The following ELOVL5 variants were observed in gnomAD, a reference collection of about 807,000 sequenced individuals.
The protein encoded by ELOVL5 is very long chain fatty acid elongase 5.
Under a neutral mutation model 38.6 loss-of-function variants are expected in ELOVL5, and 8 were observed. That is an observed-to-expected ratio of 0.21 (90% CI 0.12 to 0.37). ELOVL5 has a LOEUF of 0.37. ELOVL5 is among the 10% of genes least tolerant of loss of function. The probability of loss-of-function intolerance (pLI) is 1.00; values close to 1 mark genes in which losing one functional copy is unlikely to be tolerated. For missense variants in ELOVL5, 280 were observed against 367.8 expected (o/e 0.76, Z 1.95); for synonymous variants, 127 against 133.7 (o/e 0.95, Z 0.34).
chr6:53,305,457 G>C lies in ELOVL5; in HGVS notation c.-8-9750C>G, dbSNP rs62413885. Among the ~76,000 whole-genome samples the C allele has an allele frequency of 2.5e-3, 372 of 150,254 alleles. 4 individuals carry two copies. The highest frequency in any genetic ancestry group is 8.8e-3 in the African/African-American group (357 of 40,424). On this transcript the variant is annotated intron_variant, in intron 1 of 7. Coordinates refer to ENST00000304434, the MANE Select transcript of ELOVL5 (RefSeq NM_021814.5). ...TCACTTCCCAGACGGGGTGGCAGCC[G>C]GGCGGAGGGGCTCCTCACTTCTCAG...
chr6:53,314,123 A>G (rs1458989698), intron 1 of ELOVL5, among the ~76,000 whole-genome samples: 3 of 152,244 alleles, frequency 2.0e-5, no homozygotes, highest in Admixed American at 2.0e-4. Flanking sequence ...CTAAAGGTGA[A>G]ATATTGAGAA....
At chr6:53,277,584 G>A (rs1346609015) in intron 3 of ELOVL5, 1 of 152,212 alleles carries the variant, frequency 6.6e-6, no homozygotes, top group African/African-American at 2.4e-5. Flanking sequence ...CATGTTAACA[G>A]ACTTTAAAAA....
In ELOVL5 at chr6:53,270,727, G is replaced by A; in HGVS notation, c.622C>T (p.Leu208Phe). ...TGGATGATTGTCAGCACAAACTGAA[G>A]CTAGGGGAACAGAGGGGATGCAGCT... is the stretch of plus-strand genomic sequence containing the variant. The part of the protein sequence containing the change: ...WKKYITQGQL[L>F]QFVLTIIQTS... Residue 208 changes from leucine to phenylalanine, a missense_variant and splice_region_variant, in exon 7 of 8, where the codon CTT (leucine) becomes TTT (phenylalanine). Leu to Phe is a conservative substitution (Grantham distance 22, BLOSUM62 0). Coordinates refer to ENST00000304434, the MANE Select transcript of ELOVL5 (RefSeq NM_021814.5). 1.9e-6 allele frequency: 3 copies of A among 1,614,154 alleles called. No individual in the cohort carries two copies. The highest frequency in any genetic ancestry group is 2.5e-6 in the Non-Finnish European group (3 of 1,180,014).
chr6:53,342,687 G>A (rs1561896904), intron 1 of ELOVL5, among the ~76,000 whole-genome samples: 2 of 152,166 alleles, frequency 1.3e-5, no homozygotes, highest in Non-Finnish European at 2.9e-5. Context: ...AAGCATGCCA[G>A]TATCAGCACT....
intron 1 of ELOVL5, among the ~76,000 whole-genome samples, chr6:53,328,320 A>T (rs963200228): frequency 3.3e-5 from 5 of 152,222 alleles, no homozygotes; most frequent in African/African-American, 4.8e-5. Flanking sequence ...TCCCATTAAA[A>T]AAAATCTGAG....
chr6:53,309,576 C>T (rs1183391958), intron 1 of ELOVL5, among the ~76,000 whole-genome samples: 1 of 152,196 alleles, frequency 6.6e-6, no homozygotes, highest in Non-Finnish European at 1.5e-5. Flanking sequence ...GATACTCACA[C>T]CCTTATGTAG....
At chr6:53,325,911 T>C (rs559013448) in intron 1 of ELOVL5, among the ~76,000 whole-genome samples, 2 of 152,304 alleles carry the variant, frequency 1.3e-5, no homozygotes, top group South Asian at 4.1e-4. Context: ...TAAGGCACAT[T>C]AAAACGTGAA....
At chr6:53,333,925 T>C (rs575408748) in intron 1 of ELOVL5, among the ~76,000 whole-genome samples, 1 of 152,014 alleles carries the variant, frequency 6.6e-6, no homozygotes, top group Non-Finnish European at 1.5e-5. Flanking sequence ...CAGGGAGAGA[T>C]AAAACAACTA....
Position 53,331,425 on chromosome 6 carries a change from G to C in ELOVL5, c.-9+17392C>G, listed in dbSNP as rs529441857. Reference sequence around the variant, plus strand: ...TTATCCCTATCAAGCACTGTATATGGTACGTAATTGTATGTGTGATACTTT... The same window carrying C: ...TTATCCCTATCAAGCACTGTATATGCTACGTAATTGTATGTGTGATACTTT... On this transcript the variant is annotated intron_variant, in intron 1 of 7. Coordinates refer to ENST00000304434, the MANE Select transcript of ELOVL5 (RefSeq NM_021814.5). Among the ~76,000 whole-genome samples the C allele has an allele frequency of 5.3e-5, 8 of 152,250 alleles. No homozygotes were observed. In the South Asian group the frequency reaches 1.7e-3, roughly 32 times the overall value.
intron 4 of ELOVL5, 80 bp downstream of exon 4, chr6:53,276,098 TG>T: frequency 1.0e-6 from 1 of 957,002 alleles, no homozygotes; most frequent in Non-Finnish European, 1.6e-6. Flanking sequence ...AGTGAGGTTA[TG>T]GGCCATTTTG....
Position 53,269,134 on chromosome 6 carries a change from T to G in ELOVL5, c.893A>C (p.Lys298Thr), listed in dbSNP as rs1215118941. 1 of 1,613,268 alleles carries G rather than the reference T, an allele frequency of 6.2e-7. No individual in the cohort carries two copies. The highest frequency in any genetic ancestry group is 2.2e-5 in the East Asian group (1 of 44,842). ...GGTTTCAATTCTTTGACTTCAATCC[T>G]TCCGCAGCTTCCTTGGCTTCACATT... ...ENNVKPRKLR[K>T]D The change falls in exon 8 of 8, where the codon AAG becomes ACG. Residue 298 changes from lysine (K) to threonine (T), a missense_variant. Around this residue, in one of 3 missense-constraint regions of ELOVL5, gnomAD observed 125 missense variants for 158.9 expected, o/e 0.79. Coordinates refer to ENST00000304434, the MANE Select transcript of ELOVL5 (RefSeq NM_021814.5).
At chr6:53,330,207 T>C (rs1449258643) in intron 1 of ELOVL5, among the ~76,000 whole-genome samples, 1 of 151,066 alleles carries the variant, frequency 6.6e-6, no homozygotes, top group Non-Finnish European at 1.5e-5. Context: ...CTGAATACTG[T>C]AGGTAACCAT....
intron 3 of ELOVL5, among the ~76,000 whole-genome samples, chr6:53,281,598 A>T (rs1040979569): frequency 6.6e-6 from 1 of 152,178 alleles, no homozygotes; most frequent in African/African-American, 2.4e-5. Flanking sequence ...GGAAAAGCAG[A>T]CCTTTAACTG....
rs1375340555 is a variant in ELOVL5 at position 53,348,820 on chromosome 6, T to G, written c.-12A>C. 1.1e-5 allele frequency: 5 copies of G among 456,438 alleles called. 1 individual carries two copies. The highest frequency in any genetic ancestry group is 9.4e-5 in the Admixed American group (4 of 42,598). 28.3% of individuals were successfully genotyped at this position (456,438 alleles called of 1,614,324 possible). A position where few individuals can be genotyped will look rare whatever the true frequency, so the allele number is the denominator to read the frequency against. ...TTCCCGGAGCTGACGGCTTTACCTT[T>G]TAGCCCAAGGGGCGGCAGCAGCTTT... On this transcript the variant is annotated 5_prime_UTR_variant, in exon 1 of 8. Transcript: ENST00000304434.
chr6:53,290,141 C>T (rs1476438686), intron 3 of ELOVL5: 1 of 152,192 alleles, frequency 6.6e-6, no homozygotes, highest in African/African-American at 2.4e-5. Flanking sequence ...CTCAGATGCA[C>T]ACAGCTGTAC....
intron 3 of ELOVL5, among the ~76,000 whole-genome samples, chr6:53,282,514 G>A (rs966150597): frequency 2.0e-5 from 3 of 152,202 alleles, no homozygotes; most frequent in African/African-American, 4.8e-5. Flanking sequence ...TCTCCCTACC[G>A]TGAGGCATTC....
chr6:53,296,502 T>C (rs1767007624), intron 1 of ELOVL5, among the ~76,000 whole-genome samples: 1 of 152,210 alleles, frequency 6.6e-6, no homozygotes, highest in Non-Finnish European at 1.5e-5. Flanking sequence ...TTAGTTTTAT[T>C]ATATCATATT....
At chr6:53,338,402 G>A (rs773502132) in intron 1 of ELOVL5, among the ~76,000 whole-genome samples, 55 of 152,146 alleles carry the variant, frequency 3.6e-4, no homozygotes, top group Non-Finnish European at 6.0e-4. Flanking sequence ...GGAAGAAAAG[G>A]CAGCTGCTCT....
chr6:53,345,540 G>C (rs1038424124), intron 1 of ELOVL5, among the ~76,000 whole-genome samples: 1 of 152,238 alleles, frequency 6.6e-6, no homozygotes, highest in Admixed American at 6.5e-5. Flanking sequence ...CTGGAATCAG[G>C]AACTGTTGTA....
Sources: gnomAD v4.1 joint callset for allele counts (sites outside exome capture counted in the v4.1 genomes callset) on GRCh38, gnomAD v4.1.1 for gene constraint, gnomAD v4.1.1 regional missense constraint, MANE v1.5 for transcripts, NCBI Gene and HGNC (gene_info 2026-07-23, HGNC 2026-07-21) for gene names.